The following PARPBP variants were observed in gnomAD, a reference collection of about 807,000 sequenced individuals.
PARPBP encodes the protein PCNA-interacting partner.
PARPBP carries 52 observed loss-of-function variants against 50.0 expected under a neutral mutation model. That is an observed-to-expected ratio of 1.04 (90% CI 0.83 to 1.31). The LOEUF is 1.31. Ranked by LOEUF, PARPBP falls within the 50% of genes most tolerant of loss-of-function variation. The pLI is 0.00. For synonymous variants in PARPBP, 244 were observed against 232.1 expected (o/e 1.05, Z -0.47); for missense variants, 697 against 672.0 (o/e 1.04, Z -0.41).
At chr12:102,189,856 A>G (rs1890636943) in intron 9 of PARPBP, among the ~76,000 whole-genome samples, 1 of 152,176 alleles carries the variant, frequency 6.6e-6, no homozygotes, top group Non-Finnish European at 1.5e-5. Context: ...TTAAGAACTC[A>G]AAAGTAAACG....
chr12:102,192,364 AT>A (rs1890872924), intron 9 of PARPBP, among the ~76,000 whole-genome samples: 1 of 152,120 alleles, frequency 6.6e-6, no homozygotes, highest in Admixed American at 6.6e-5. Flanking sequence ...AGTGAGAGGT[AT>A]AATGGTTTCC....
chr12:102,131,019 C>A (rs1455856778), intron 2 of PARPBP, among the ~76,000 whole-genome samples: 2 of 152,034 alleles, frequency 1.3e-5, no homozygotes, highest in Non-Finnish European at 2.9e-5. Context: ...CTCACACCAG[C>A]AGAATGGCTA....
At chr12:102,183,025 A>G (rs1050992737) in intron 9 of PARPBP, among the ~76,000 whole-genome samples, 2 of 152,212 alleles carry the variant, frequency 1.3e-5, no homozygotes, top group Admixed American at 6.5e-5. Context: ...GCAGAATATA[A>G]TTAATTATAG....
At chr12:102,132,614 T>C (rs959455922) in intron 2 of PARPBP, among the ~76,000 whole-genome samples, 1 of 152,226 alleles carries the variant, frequency 6.6e-6, no homozygotes, top group Non-Finnish European at 1.5e-5. Flanking sequence ...TTCATTTTGC[T>C]CAAGATTGTT....
intron 1 of PARPBP, 28 bp from the exon 2 acceptor site, chr12:102,123,858 T>A: frequency 2.0e-6 from 3 of 1,495,492 alleles, no homozygotes; most frequent in Non-Finnish European, 2.7e-6. Flanking sequence ...ATAAGATACT[T>A]TAACTTTGTA....
At position 102,153,991 on chromosome 12, in the gene PARPBP, T is replaced by A. The variant is rs1210711114; in HGVS notation, c.495+15T>A. 1 of 1,384,402 alleles carries A rather than the reference T, an allele frequency of 7.2e-7. No homozygotes were observed. Among genetic ancestry groups the A allele is most frequent in the Admixed American group, 1.7e-5 (1 of 59,676 alleles). The allele number at this position is 1,384,402 out of a possible 1,614,324, so 85.8% of individuals were successfully genotyped here. A position where few individuals can be genotyped will look rare whatever the true frequency, so the allele number is the denominator to read the frequency against. On this transcript the variant is annotated intron_variant, in intron 4 of 10. Transcript: ENST00000327680. ...ATAATGAAAAGGTACTGATAAACTG[T>A]GAGTAAATTAAAGCAGACTATAATC...
chr12:102,189,253 C>T lies in PARPBP; in HGVS notation c.1264-6059C>T, dbSNP rs115696949. Among the ~76,000 whole-genome samples, 855 of 152,262 alleles carry T rather than the reference C, an allele frequency of 5.6e-3. 7 individuals carry two copies. The highest frequency in any genetic ancestry group is 0.02 in the African/African-American group (817 of 41,562). ...CCTATGGGTTCCAAATGTGTGGACCCAGCATACTACAAAATGTCCCATAGT... is the reference window on the plus strand; with the variant it reads ...CCTATGGGTTCCAAATGTGTGGACCTAGCATACTACAAAATGTCCCATAGT... On this transcript the variant is annotated intron_variant, in intron 9 of 10. Coordinates refer to ENST00000327680, the MANE Select transcript of PARPBP (RefSeq NM_017915.5).
intron 7 of PARPBP, among the ~76,000 whole-genome samples, chr12:102,176,385 A>G (rs1457653296): frequency 6.6e-6 from 1 of 152,230 alleles, no homozygotes. Flanking sequence ...TTAGGACAAC[A>G]ACAGTCCTGT....
intron 3 of PARPBP, chr12:102,148,684 C>T (rs186590979): frequency 1.9e-4 from 71 of 377,328 alleles, no homozygotes; most frequent in African/African-American, 1.2e-3. Context: ...AGTTGCTATA[C>T]GGATAGCTTC....
intron 2 of PARPBP, among the ~76,000 whole-genome samples, chr12:102,140,891 C>T (rs1187595456): frequency 2.0e-5 from 3 of 152,162 alleles, no homozygotes; most frequent in Non-Finnish European, 4.4e-5. Flanking sequence ...CTAAGGAGTG[C>T]TTTACTTCCA....
At chr12:102,182,478 A>G in intron 8 of PARPBP, 71 bp from the exon 9 acceptor site, 1 of 1,055,490 alleles carries the variant, frequency 9.5e-7, no homozygotes, top group Non-Finnish European at 1.4e-6. Context: ...TTAAGTTTCA[A>G]CGTGAATTTG....
chr12:102,147,311 CA>C (rs1885508251), intron 2 of PARPBP, among the ~76,000 whole-genome samples: 1 of 152,052 alleles, frequency 6.6e-6, no homozygotes, highest in Non-Finnish European at 1.5e-5. Context: ...GACTTGGAAC[CA>C]ACCCAAATGT....
chr12:102,176,770 C>T (rs750768692), intron 7 of PARPBP, among the ~76,000 whole-genome samples: 1 of 152,192 alleles, frequency 6.6e-6, no homozygotes, highest in Non-Finnish European at 1.5e-5. Context: ...TCACAGCACT[C>T]TGGGACCACT....
At chr12:102,155,599 G>GGGC (rs1555216776) in intron 4 of PARPBP, among the ~76,000 whole-genome samples, 1 of 127,046 alleles carries the variant, frequency 7.9e-6, no homozygotes, top group African/African-American at 2.8e-5. Context: ...CATGGTGGGG[G>GGGC]GGGGGGGCGG....
chr12:102,151,437 A>G (rs1886188237), intron 3 of PARPBP: 1 of 638,504 alleles, frequency 1.6e-6, no homozygotes, highest in Non-Finnish European at 2.7e-6. Flanking sequence ...CATAAAATGT[A>G]GCACCTCTGC....
chr12:102,171,164 A>G (rs563790438), intron 6 of PARPBP, among the ~76,000 whole-genome samples: 1 of 151,222 alleles, frequency 6.6e-6, no homozygotes, highest in African/African-American at 2.4e-5. Context: ...TTTTTTTTAA[A>G]TAAGTAGAAG....
intron 2 of PARPBP, among the ~76,000 whole-genome samples, chr12:102,136,124 G>A (rs1423592908): frequency 1.3e-5 from 2 of 152,048 alleles, no homozygotes; most frequent in South Asian, 4.1e-4. Context: ...ATTCTTAGTC[G>A]TATTGGCATG....
rs546740525 is a variant in PARPBP, at chr12:102,151,315, G to A, written c.388-2554G>A. Among the ~76,000 whole-genome samples the A allele has an allele frequency of 2.4e-3, 363 of 152,330 alleles. 3 individuals carry two copies. Among genetic ancestry groups the A allele is most frequent in the African/African-American group, 8.2e-3 (341 of 41,576 alleles). On this transcript the variant is annotated intron_variant, in intron 3 of 10. Transcript: ENST00000327680. The stretch of plus-strand genomic sequence containing the variant: ...GGTGCTTCATGATGCTGGGCTCTCT[G>A]GGATGGGGGGATGGCAGAGGGTGCT...
chr12:102,132,236 A>G (rs182120534), intron 2 of PARPBP, among the ~76,000 whole-genome samples: 237 of 152,150 alleles, frequency 1.6e-3, no homozygotes, highest in Non-Finnish European at 2.8e-3. Flanking sequence ...GAATCTGTAC[A>G]ACAAACCCCT....
Sources: gnomAD v4.1 joint callset for allele counts (sites outside exome capture counted in the v4.1 genomes callset) on GRCh38, gnomAD v4.1.1 for gene constraint, MANE v1.5 for transcripts, NCBI Gene and HGNC (gene_info 2026-07-23, HGNC 2026-07-21) for gene names.